The following GRIP1 variants were observed in gnomAD, a reference collection of about 807,000 sequenced individuals.
GRIP1 encodes glutamate receptor-interacting protein 1.
Under a neutral mutation model 129.9 loss-of-function variants are expected in GRIP1, and 45 were observed. The ratio of observed to expected loss-of-function variants is 0.35; its 90% CI spans 0.27 to 0.44. The LOEUF is 0.44. GRIP1 is among the 20% of genes least tolerant of loss of function. GRIP1 has a pLI of 1.00. For synonymous variants in GRIP1, 530 were observed against 520.8 expected (o/e 1.02, Z -0.24); for missense variants, 1,196 against 1,396.8 (o/e 0.86, Z 2.29).
At chr12:66,770,767 C>G (rs553321398) in intron 1 of GRIP1, among the ~76,000 whole-genome samples, 2 of 152,242 alleles carry the variant, frequency 1.3e-5, no homozygotes, top group African/African-American at 4.8e-5. Context: ...GTACCAGTAA[C>G]CTCCACTTAT....
At chr12:67,062,287 T>C (rs1023646019) in intron 1 of GRIP1, among the ~76,000 whole-genome samples, 2 of 152,206 alleles carry the variant, frequency 1.3e-5, no homozygotes, top group Non-Finnish European at 2.9e-5. Context: ...CCTCATCCCA[T>C]AGGGGAAATG....
At chr12:66,412,571 A>G (rs995638956) in intron 15 of GRIP1, among the ~76,000 whole-genome samples, 1 of 152,216 alleles carries the variant, frequency 6.6e-6, no homozygotes, top group Non-Finnish European at 1.5e-5. Context: ...GCAACCACAT[A>G]AACAAGTTTG....
At chr12:66,572,125 T>G (rs558299752) in intron 2 of GRIP1, among the ~76,000 whole-genome samples, 1 of 152,302 alleles carries the variant, frequency 6.6e-6, no homozygotes, top group African/African-American at 2.4e-5. Context: ...AGAAAGTTTA[T>G]ATTTACCAGG....
intron 1 of GRIP1, among the ~76,000 whole-genome samples, chr12:66,723,311 T>TTC (rs1592778884): frequency 2.9e-5 from 2 of 69,272 alleles, no homozygotes; most frequent in African/African-American, 7.1e-5. Flanking sequence ...TTTCTTTTTT[T>TTC]TTTTTTTTTT....
At chr12:66,607,507 C>T (rs1023681716) in intron 1 of GRIP1, among the ~76,000 whole-genome samples, 1 of 152,166 alleles carries the variant, frequency 6.6e-6, no homozygotes, top group African/African-American at 2.4e-5. Context: ...CTTCTGCTTA[C>T]AATATTTCAA....
chr12:67,066,255 G>T (rs141734229), intron 1 of GRIP1, among the ~76,000 whole-genome samples: 92 of 152,090 alleles, frequency 6.0e-4, no homozygotes, highest in Middle Eastern at 3.4e-3. Context: ...TTTTGTATGC[G>T]GCAATAACAC....
intron 7 of GRIP1, among the ~76,000 whole-genome samples, chr12:66,479,640 T>C (rs1233596528): frequency 6.6e-6 from 1 of 152,144 alleles, no homozygotes; most frequent in East Asian, 1.9e-4. Flanking sequence ...CAGTCCAGTA[T>C]CCCTGATGAA....
intron 1 of GRIP1, among the ~76,000 whole-genome samples, chr12:66,601,500 A>G (rs1480700100): frequency 6.6e-6 from 1 of 152,152 alleles, no homozygotes; most frequent in Non-Finnish European, 1.5e-5. Context: ...CGATATGAAT[A>G]TGGTTTCAGG....
chr12:66,427,732 A>C (rs1350761447), intron 14 of GRIP1, among the ~76,000 whole-genome samples: 1 of 152,144 alleles, frequency 6.6e-6, no homozygotes, highest in African/African-American at 2.4e-5. Flanking sequence ...TTTTTGTTCT[A>C]AATTTCTTCC....
rs143676371 is a variant in GRIP1 at position 67,061,778 on chromosome 12, T to A, written c.58+7272A>T. Among the ~76,000 whole-genome samples, 173 of 152,288 alleles carry A rather than the reference T, an allele frequency of 1.1e-3. 2 individuals carry two copies. Among genetic ancestry groups the A allele is most frequent in the African/African-American group, 4.1e-3 (169 of 41,574 alleles). On this transcript the variant is annotated intron_variant, in intron 1 of 1. Transcript: ENST00000643019. ...AATAAGCTATCATCATGGCACAGTC[T>A]GGTAGTCCATCACTTTGGTGGTTCC...
chr12:66,951,584 GT>G (rs1466396182), intron 1 of GRIP1, among the ~76,000 whole-genome samples: 1 of 152,176 alleles, frequency 6.6e-6, no homozygotes, highest in Non-Finnish European at 1.5e-5. Flanking sequence ...TCAAATTACT[GT>G]TTTAAAAAGA....
intron 1 of GRIP1, among the ~76,000 whole-genome samples, chr12:67,061,778 T>C (rs143676371): frequency 6.6e-6 from 1 of 152,170 alleles, no homozygotes; most frequent in East Asian, 1.9e-4. Context: ...TGGCACAGTC[T>C]GGTAGTCCAT....
At chr12:66,984,694 G>A (rs2042285943) in intron 1 of GRIP1, among the ~76,000 whole-genome samples, 1 of 152,170 alleles carries the variant, frequency 6.6e-6, no homozygotes, top group African/African-American at 2.4e-5. Flanking sequence ...TGTATTATCT[G>A]TTGACTAGAT....
intron 1 of GRIP1, among the ~76,000 whole-genome samples, chr12:66,627,300 A>G (rs12230590): frequency 0.2 from 30,123 of 152,226 alleles, 3,103 homozygotes; most frequent in Non-Finnish European, 0.23. Flanking sequence ...CAGGACTACC[A>G]AACAGACTCC....
chr12:66,627,200 TC>T (rs2030182998), intron 1 of GRIP1, among the ~76,000 whole-genome samples: 1 of 152,012 alleles, frequency 6.6e-6, no homozygotes, highest in Non-Finnish European at 1.5e-5. Context: ...TGTGGTAGAT[TC>T]CGGTGCCTAT....
At position 66,466,700 on chromosome 12, in the gene GRIP1, T is replaced by C. The variant is rs182222950; in HGVS notation, c.725-1278A>G. On this transcript the variant is annotated intron_variant, in intron 7 of 24. Transcript: ENST00000359742. ...AACCAATGAACAAAGCACTTTGTTATACATATAGGATATTTTCATTATTGC... is the reference window on the plus strand; with the variant it reads ...AACCAATGAACAAAGCACTTTGTTACACATATAGGATATTTTCATTATTGC... Among the ~76,000 whole-genome samples the C allele has an allele frequency of 2.9e-3, 449 of 152,368 alleles. 3 individuals are homozygous for C. The highest frequency in any genetic ancestry group is 1.0e-2 in the African/African-American group (415 of 41,588).
chr12:66,836,406 T>C (rs1160166819), intron 1 of GRIP1, among the ~76,000 whole-genome samples: 1 of 152,152 alleles, frequency 6.6e-6, no homozygotes, highest in Non-Finnish European at 1.5e-5. Flanking sequence ...TCATGGGAGC[T>C]TTCAAGCAAT....
At chr12:66,846,300 G>A (rs1049104667) in intron 1 of GRIP1, among the ~76,000 whole-genome samples, 2 of 152,076 alleles carry the variant, frequency 1.3e-5, no homozygotes, top group African/African-American at 2.4e-5. Context: ...AACATGCTCC[G>A]AATTGAAATT....
In GRIP1 at chr12:66,851,578, A is replaced by C. The variant is rs557612432; in HGVS notation, c.58+217472T>G. ...GTAAACATGATGCCATGGAAATCAGAAGGCACAGTCACTAATCAGTTCAGT... is the reference window on the plus strand; with the variant it reads ...GTAAACATGATGCCATGGAAATCAGCAGGCACAGTCACTAATCAGTTCAGT... On this transcript the variant is annotated intron_variant, in intron 1 of 1. Coordinates refer to the GRIP1 transcript ENST00000643019. Among the ~76,000 whole-genome samples the C allele has an allele frequency of 2.0e-5, 3 of 152,240 alleles. No individual in the cohort carries two copies. The East Asian group carries it at 5.8e-4, about 29-fold the overall frequency.
Sources: allele counts gnomAD v4.1 joint callset (sites outside exome capture counted in the v4.1 genomes callset), GRCh38; gene constraint gnomAD v4.1.1; transcripts MANE v1.5; gene names NCBI Gene and HGNC (gene_info 2026-07-23, HGNC 2026-07-21).